Variants in ARHGAP39 observed in about 807,000 individuals in gnomAD.
ARHGAP39 encodes Rho GTPase activating protein 39.
In ARHGAP39, 44 loss-of-function variants were observed where a neutral mutation model predicts 106.9. That is an observed-to-expected ratio of 0.41 (90% CI 0.32 to 0.53). The LOEUF is 0.53. Ranked by LOEUF, ARHGAP39 falls within the 20% of genes least tolerant of loss-of-function variation. ARHGAP39 has a pLI of 0.21. For synonymous variants in ARHGAP39, 768 were observed against 693.2 expected (o/e 1.11, Z -1.69); for missense variants, 1,496 against 1,577.3 (o/e 0.95, Z 0.87).
intron 6 of ARHGAP39, among the ~76,000 whole-genome samples, chr8:144,542,128 G>A (rs1045721974): frequency 6.6e-6 from 1 of 152,202 alleles, no homozygotes; most frequent in African/African-American, 2.4e-5. Flanking sequence ...GAAACCTTTA[G>A]GAGTCTCCAG....
At chr8:144,598,908 C>T (rs1487768738) in intron 2 of ARHGAP39, among the ~76,000 whole-genome samples, 2 of 152,086 alleles carry the variant, frequency 1.3e-5, no homozygotes, top group Non-Finnish European at 2.9e-5. Flanking sequence ...TAAATTTGAG[C>T]ATGAAAAGAT....
chr8:144,610,638 G>A (rs910799986), intron 1 of ARHGAP39, among the ~76,000 whole-genome samples: 1 of 151,972 alleles, frequency 6.6e-6, no homozygotes, highest in Non-Finnish European at 1.5e-5. Context: ...CGTGAACCTG[G>A]GAGGCAGAGC....
intron 1 of ARHGAP39, among the ~76,000 whole-genome samples, chr8:144,654,389 C>T (rs1821646118): frequency 6.6e-6 from 1 of 151,724 alleles, no homozygotes; most frequent in Non-Finnish European, 1.5e-5. Flanking sequence ...CTTGGAGTCC[C>T]AGTTACTCGG....
chr8:144,673,916 G>A (rs1036612086), intron 1 of ARHGAP39, among the ~76,000 whole-genome samples: 9 of 152,320 alleles, frequency 5.9e-5, no homozygotes, highest in African/African-American at 1.7e-4. Flanking sequence ...GCGAGGCTGC[G>A]GCTTGACCAG....
intron 5 of ARHGAP39, 41 bp from the exon 6 acceptor site, chr8:144,545,851 A>C: frequency 7.2e-5 from 91 of 1,271,492 alleles, no homozygotes; most frequent in Non-Finnish European, 9.2e-5. Context: ...GGGGTGGGGG[A>C]GGGCCAGGCA....
intron 1 of ARHGAP39, among the ~76,000 whole-genome samples, chr8:144,674,084 G>A (rs1481966336): frequency 6.6e-6 from 1 of 152,056 alleles, no homozygotes; most frequent in Non-Finnish European, 1.5e-5. Context: ...CCAAAGTGCT[G>A]CAGCTCTTCT....
At position 144,600,519 on chromosome 8, in the gene ARHGAP39, TGGA is replaced by T. The variant is rs1346121121; in HGVS notation, c.80+5013_80+5015del. Among the ~76,000 whole-genome samples, 3 of 147,130 alleles carry T rather than the reference TGGA, an allele frequency of 2.0e-5. No individual in the cohort carries two copies. In the South Asian group the frequency reaches 6.5e-4, roughly 32 times the overall value. The stretch of plus-strand genomic sequence containing the variant: ...ACTTGGGTACCTACCTGCGTGTGCG[TGGA>T]GGCGTGCGTGTGCACTTGTGTACCT... On this transcript the variant is annotated intron_variant, in intron 2 of 11. Coordinates refer to ENST00000377307, the MANE Select transcript of ARHGAP39 (RefSeq NM_025251.3).
chr8:144,618,077 TGGCC>T, intron 1 of ARHGAP39, among the ~76,000 whole-genome samples: 1 of 152,208 alleles, frequency 6.6e-6, no homozygotes, highest in African/African-American at 2.4e-5. Flanking sequence ...CCACCACGCC[TGGCC>T]TAAAATTCTA....
Position 144,591,163 on chromosome 8 carries a change from C to T in ARHGAP39, c.81-9886G>A, listed in dbSNP as rs1360118287. Among the ~76,000 whole-genome samples the T allele has an allele frequency of 6.6e-6, 1 of 152,168 alleles. No homozygotes were observed. The highest frequency in any genetic ancestry group is 1.9e-4 in the East Asian group (1 of 5,186). ...GGGTGCAAGGCCAGAGGCTCACGGT[C>T]CCCCAGCAGGTGCCTTCCCTGTCCA... On this transcript the variant is annotated intron_variant, in intron 2 of 11. Transcript: ENST00000377307. This position sits in a 1 kb window ranked among gnomAD's most constrained non-coding sequence, Gnocchi z 5.3.
In ARHGAP39 at chr8:144,644,237, T is replaced by C. The variant is rs998945026; in HGVS notation, c.-81-38542A>G. ...GCGATGCTTCAGCCATAGAGAGGGATTGGCTCTAAGGCTAAAAGAGCCCTC... is the reference window on the plus strand; with the variant it reads ...GCGATGCTTCAGCCATAGAGAGGGACTGGCTCTAAGGCTAAAAGAGCCCTC... On this transcript the variant is annotated intron_variant, in intron 1 of 11. Coordinates refer to ENST00000377307, the MANE Select transcript of ARHGAP39 (RefSeq NM_025251.3). The surrounding 1 kb of genome is among the most constrained non-coding windows in gnomAD (Gnocchi z 4.8). 2.6e-5 allele frequency among the ~76,000 whole-genome samples: 4 copies of C among 152,164 alleles called. No individual in the cohort carries two copies. Among genetic ancestry groups the C allele is most frequent in the African/African-American group, 4.8e-5 (2 of 41,434 alleles).
chr8:144,537,614 C>CCA, intron 7 of ARHGAP39, 107 bp downstream of exon 7: 4 of 954,332 alleles, frequency 4.2e-6, no homozygotes, highest in Admixed American at 2.2e-5. Flanking sequence ...TTAGTGGCCC[C>CCA]ATCCCCCCCG....
At chr8:144,691,540 C>T in the ARHGAP39 span, among the ~76,000 whole-genome samples, 1 of 152,218 alleles carries the variant, frequency 6.6e-6, no homozygotes, top group South Asian at 2.1e-4. Flanking sequence ...TCACAACAAG[C>T]AATTTATCCC....
At chr8:144,550,905 T>C (rs1478974088) in intron 4 of ARHGAP39, among the ~76,000 whole-genome samples, 1 of 152,212 alleles carries the variant, frequency 6.6e-6, no homozygotes, top group Non-Finnish European at 1.5e-5. Context: ...AGTCTGTTGC[T>C]CTGTGGCTGC....
Position 144,605,712 on chromosome 8 carries a change from G to A in ARHGAP39, c.-81-17C>T. On this transcript the variant is annotated splice_polypyrimidine_tract_variant and intron_variant, in intron 1 of 11. Coordinates refer to ENST00000377307, the MANE Select transcript of ARHGAP39 (RefSeq NM_025251.3). ...GGTGCCGCACTGCAAGAGGGGAGAA[G>A]CAACAGTGCTGATATGGAAGACGCC... 2 of 1,199,594 alleles carry A rather than the reference G, an allele frequency of 1.7e-6. No individual in the cohort carries two copies. The highest frequency in any genetic ancestry group is 2.5e-5 in the South Asian group (2 of 80,728). 74.3% of individuals were successfully genotyped at this position (1,199,594 alleles called of 1,614,324 possible).
chr8:144,679,794 C>T lies in ARHGAP39; in HGVS notation c.-82+5892G>A, dbSNP rs534624501. On this transcript the variant is annotated intron_variant, in intron 1 of 11. Coordinates refer to ENST00000377307, the MANE Select transcript of ARHGAP39 (RefSeq NM_025251.3). This position sits in a 1 kb window ranked among gnomAD's most constrained non-coding sequence, Gnocchi z 4.7. ...AGGAGATCGAGACCATCCTGGCTAA[C>T]ACAGTGAAACCCCGTGTCTACTAAA... Among the ~76,000 whole-genome samples, 5 of 152,296 alleles carry T rather than the reference C, an allele frequency of 3.3e-5. No individual in the cohort carries two copies. The East Asian group carries it at 9.7e-4, about 29-fold the overall frequency.
chr8:144,587,573 G>A (rs546653901), intron 2 of ARHGAP39, among the ~76,000 whole-genome samples: 3 of 152,322 alleles, frequency 2.0e-5, no homozygotes, highest in Admixed American at 6.5e-5. Flanking sequence ...AGCATGGGAC[G>A]GGGCCTGGGG....
At chr8:144,554,497 A>T (rs1018442851) in intron 4 of ARHGAP39, among the ~76,000 whole-genome samples, 21 of 152,268 alleles carry the variant, frequency 1.4e-4, no homozygotes, top group African/African-American at 5.1e-4. Flanking sequence ...AGTGCTTGGC[A>T]AACAAAGACC....
At chr8:144,683,935 G>T (rs1284943354) in intron 1 of ARHGAP39, among the ~76,000 whole-genome samples, 1 of 152,130 alleles carries the variant, frequency 6.6e-6, no homozygotes, top group Non-Finnish European at 1.5e-5. Context: ...AGTGTGCCAC[G>T]AACAAAGTGT....
intron 1 of ARHGAP39, among the ~76,000 whole-genome samples, chr8:144,619,280 T>G (rs1009671908): frequency 6.6e-6 from 1 of 152,238 alleles, no homozygotes; most frequent in East Asian, 1.9e-4. Context: ...ACGCCCGCCA[T>G]AGACCAGGGT....
Sources: allele counts gnomAD v4.1 joint callset (sites outside exome capture counted in the v4.1 genomes callset), GRCh38; gene constraint gnomAD v4.1.1; non-coding constraint Gnocchi (gnomAD v3.1); transcripts MANE v1.5; gene names NCBI Gene and HGNC (gene_info 2026-07-23, HGNC 2026-07-21).